Variants in CUL9 observed in about 807,000 individuals in gnomAD.
The protein encoded by CUL9 is cullin-9.
CUL9 carries 79 observed loss-of-function variants against 272.6 expected under a neutral mutation model. The ratio of observed to expected loss-of-function variants is 0.29; its 90% CI spans 0.24 to 0.35. The LOEUF (loss-of-function observed/expected upper bound fraction) is 0.35. CUL9 is among the 10% of genes least tolerant of loss of function. The pLI is 1.00. For synonymous variants in CUL9, 1,186 were observed against 1,286.5 expected, an observed-to-expected ratio of 0.92 and a Z score of 1.67; for missense variants, 2,532 against 3,255.6, an observed-to-expected ratio of 0.78 and a Z score of 5.41.
chr6:43,204,602 T>C, intron 21 of CUL9, 63 bp downstream of exon 21: 1 of 1,601,462 alleles, frequency 6.2e-7, no homozygotes. Context: ...GGCTCCCTCC[T>C]CCCTGGGTCT....
chr6:43,213,603 T>C lies in CUL9; in HGVS notation c.5488+36T>C. On this transcript the variant is annotated intron_variant, in intron 28 of 40. Coordinates refer to ENST00000252050, the MANE Select transcript of CUL9 (RefSeq NM_015089.4). The surrounding 1 kb of genome is among the most constrained non-coding windows in gnomAD (Gnocchi z 5.7). ...GGGGGCCGGGCTGAGCCTCTGCTGCTGGTCGGGGGGTCGCCCTCAAGATGG... is the reference window on the plus strand; with the variant it reads ...GGGGGCCGGGCTGAGCCTCTGCTGCCGGTCGGGGGGTCGCCCTCAAGATGG... 6.3e-7 allele frequency: 1 copy of C among 1,582,928 alleles called. No homozygotes were observed. The highest frequency in any genetic ancestry group is 8.6e-7 in the Non-Finnish European group (1 of 1,162,440).
rs528481526 is a variant in CUL9, at chr6:43,206,669, T to C, written c.5212+159T>C. On this transcript the variant is annotated intron_variant, in intron 26 of 40. Transcript: ENST00000252050. This position sits in a 1 kb window ranked among gnomAD's most constrained non-coding sequence, Gnocchi z 4.8. ...GGGTTGTAGTTTCATTAATTTCTGC[T>C]CTCATCAGTTTCTTCAACTTTCTAT... Among the ~76,000 whole-genome samples the C allele has an allele frequency of 6.6e-6, 1 of 152,298 alleles. No homozygotes were observed. The highest frequency in any genetic ancestry group is 2.1e-4 in the South Asian group (1 of 4,822).
chr6:43,208,939 G>A (rs1010618822), intron 26 of CUL9, among the ~76,000 whole-genome samples: 2 of 151,812 alleles, frequency 1.3e-5, no homozygotes, highest in African/African-American at 4.8e-5. Context: ...CCGCCTCCCA[G>A]GCTCAAGTGA....
intron 8 of CUL9, among the ~76,000 whole-genome samples, chr6:43,189,385 C>T (rs1773227410): frequency 6.6e-6 from 1 of 151,990 alleles, no homozygotes; most frequent in Non-Finnish European, 1.5e-5. Flanking sequence ...AGGGTTTCAT[C>T]ATGTTTGCCA....
rs770761998 is a variant in CUL9, at chr6:43,203,134, G to A, written c.3779G>A (p.Arg1260Gln). ...NTVNVMPSASRVILLENLNRF... is the reference protein window; with the variant it reads ...NTVNVMPSASQVILLENLNRF... ...GTGAATGTGATGCCCTCTGCCAGCCGGGTGATCCTCTTGGAGAACCTGAAC... is the reference window on the plus strand; with the variant it reads ...GTGAATGTGATGCCCTCTGCCAGCCAGGTGATCCTCTTGGAGAACCTGAAC... The change falls in exon 18 of 41, where the codon CGG becomes CAG. Residue 1260 changes from arginine (R) to glutamine (Q), a missense_variant. Arg to Gln is a conservative substitution (Grantham distance 43). Around this residue, in one of 3 missense-constraint regions of CUL9, gnomAD observed 2,218 missense variants for 2,788.6 expected, o/e 0.80. Transcript: ENST00000252050. The surrounding 1 kb of genome is among the most constrained non-coding windows in gnomAD (Gnocchi z 5.0). The A allele has an allele frequency of 4.4e-5, 71 of 1,613,526 alleles. 1 individual carries two copies. The South Asian group carries it at 4.8e-4, about 11-fold the overall frequency.
In CUL9 at chr6:43,204,560, G is replaced by T. The variant is rs576543888; in HGVS notation, c.4339+21G>T. The T allele has an allele frequency of 6.2e-6, 10 of 1,613,626 alleles. No homozygotes were observed. In the East Asian group the frequency reaches 2.2e-4, roughly 36 times the overall value. ...GCCCTGTAAGTCCCAGCTGTGGCCA[G>T]TGGAGCTGACTCTGCGGACAGTGGT... On this transcript the variant is annotated intron_variant, in intron 21 of 40. Transcript: ENST00000252050.
At chr6:43,197,346 G>C (rs1233258336) in intron 11 of CUL9, among the ~76,000 whole-genome samples, 1 of 151,014 alleles carries the variant, frequency 6.6e-6, no homozygotes, top group Non-Finnish European at 1.5e-5. Flanking sequence ...GCACCTGGCT[G>C]GAAATTGCCT....
chr6:43,194,293 C>G (rs1156593039), intron 9 of CUL9, among the ~76,000 whole-genome samples: 1 of 151,786 alleles, frequency 6.6e-6, no homozygotes, highest in Non-Finnish European at 1.5e-5. Context: ...CTTCTCTTTT[C>G]TCTTTTTTTT....
Position 43,202,774 on chromosome 6 carries a change from G to A in CUL9, c.3706G>A (p.Val1236Met), listed in dbSNP as rs868760104. 1 of 1,614,040 alleles carries A rather than the reference G, an allele frequency of 6.2e-7. No homozygotes were observed. Among genetic ancestry groups the A allele is most frequent in the Non-Finnish European group, 8.5e-7 (1 of 1,180,026 alleles). Residue 1236 changes from valine (V) to methionine (M), a missense_variant, in exon 17 of 41, where the codon GTG becomes ATG. Physicochemically the swap from Val to Met is conservative, Grantham distance 21 (BLOSUM62 1). This residue lies in a region of CUL9 where 2,218 missense variants were observed against 2,788.6 expected (regional missense o/e 0.80). Transcript: ENST00000252050. ...DSSYMPARVVVFGGDSTSCIG... is the reference protein window; with the variant it reads ...DSSYMPARVVMFGGDSTSCIG... The stretch of plus-strand genomic sequence containing the variant: ...AAGCTACATGCCAGCCAGGGTGGTG[G>A]TGTTTGGGGGTGACAGCACCAGCTG...
At position 43,220,311 on chromosome 6, in the gene CUL9, T is replaced by C. The variant is rs1483791678; in HGVS notation, c.6283-148T>C. ...GCAAAGCTGGAGAGAGGAGTCAGCA[T>C]TGGTTGATCTAGAGGCAGGCTTGTT... On this transcript the variant is annotated intron_variant, in intron 31 of 40. Coordinates refer to ENST00000252050, the MANE Select transcript of CUL9 (RefSeq NM_015089.4). This position sits in a 1 kb window ranked among gnomAD's most constrained non-coding sequence, Gnocchi z 4.9. The C allele has an allele frequency of 3.5e-6, 3 of 862,366 alleles. No homozygotes were observed. Among genetic ancestry groups the C allele is most frequent in the Middle Eastern group, 2.3e-4 (1 of 4,384 alleles). The allele number at this position is 862,366 out of a possible 1,614,324, so 53.4% of individuals were successfully genotyped here.
chr6:43,218,638 G>T lies in CUL9; in HGVS notation c.6283-1821G>T, dbSNP rs1209497563. Among the ~76,000 whole-genome samples, 3 of 152,236 alleles carry T rather than the reference G, an allele frequency of 2.0e-5. No individual in the cohort carries two copies. The East Asian group carries it at 5.8e-4, about 29-fold the overall frequency. Reference sequence around the variant, plus strand: ...GAGAGACAAGAGATGGTGGTAGTTTGGACTGGGGCAGTGGCGATGAGAGAG... The same window carrying T: ...GAGAGACAAGAGATGGTGGTAGTTTTGACTGGGGCAGTGGCGATGAGAGAG... On this transcript the variant is annotated intron_variant, in intron 31 of 40. Transcript: ENST00000252050. This position sits in a 1 kb window ranked among gnomAD's most constrained non-coding sequence, Gnocchi z 4.4.
chr6:43,203,342 G>T lies in CUL9; in HGVS notation c.3850-75G>T, dbSNP rs944058754. 1.9e-6 allele frequency: 3 copies of T among 1,603,104 alleles called. No homozygotes were observed. The highest frequency in any genetic ancestry group is 2.2e-5 in the East Asian group (1 of 44,788). On this transcript the variant is annotated intron_variant, in intron 18 of 40. Coordinates refer to ENST00000252050, the MANE Select transcript of CUL9 (RefSeq NM_015089.4). The surrounding 1 kb of genome is among the most constrained non-coding windows in gnomAD (Gnocchi z 5.0). The stretch of plus-strand genomic sequence containing the variant: ...TCCTGAGCAGTTCTAGGGAGCTCAG[G>T]GCAGGAGGCTTGGCTTTGGTAGTAC...
rs1317766250 is a variant in CUL9, at chr6:43,184,807, G to A, written c.497G>A (p.Gly166Glu). 9 of 1,613,754 alleles carry A rather than the reference G, an allele frequency of 5.6e-6. No individual in the cohort carries two copies. In the South Asian group the frequency reaches 9.9e-5, roughly 18 times the overall value. The change falls in exon 2 of 41, where the codon GGA (glycine) becomes GAA (glutamate). Residue 166 changes from glycine (G) to glutamate (E), a missense_variant. By Grantham distance (98) the Gly-to-Glu change is moderately conservative. Around this residue, in one of 3 missense-constraint regions of CUL9, gnomAD observed 2,218 missense variants for 2,788.6 expected, o/e 0.80. Coordinates refer to ENST00000252050, the MANE Select transcript of CUL9 (RefSeq NM_015089.4). The surrounding 1 kb of genome is among the most constrained non-coding windows in gnomAD (Gnocchi z 4.8). The stretch of plus-strand genomic sequence containing the variant: ...CTCACTGGTGTCTTCAGGGAGACAG[G>A]AGCCCTGGACCTGCTCATGCACATG... The part of the protein sequence containing the change: ...GPLTGVFRET[G>E]ALDLLMHMLC...
At position 43,187,012 on chromosome 6, in the gene CUL9, A is replaced by T. The variant is rs370705489; in HGVS notation, c.1304A>T (p.Glu435Val). The T allele has an allele frequency of 6.2e-7, 1 of 1,613,978 alleles. No homozygotes were observed. Among genetic ancestry groups the T allele is most frequent in the African/African-American group, 1.3e-5 (1 of 74,892 alleles). The part of the protein sequence containing the change: ...RTYWVHWHML[E>V]ILGPEEATED... The stretch of plus-strand genomic sequence containing the variant: ...TACTGGGTGCACTGGCACATGCTGG[A>T]GATCCTGGGCCCTGAGGAAGCCACT... Residue 435 changes from glutamate (E) to valine (V), a missense_variant, in exon 5 of 41, where the codon GAG (glutamate) becomes GTG (valine). Transcript: ENST00000252050.
In CUL9 at chr6:43,199,570, T is replaced by C. The variant is rs1774338744; in HGVS notation, c.3156+199T>C. ...GAAGTATAAACCTTTTAGATGATTTTAGATTTGGAGTTTAGATTCTGGACT... is the reference window on the plus strand; with the variant it reads ...GAAGTATAAACCTTTTAGATGATTTCAGATTTGGAGTTTAGATTCTGGACT... On this transcript the variant is annotated intron_variant, in intron 13 of 40. Transcript: ENST00000252050. This position sits in a 1 kb window ranked among gnomAD's most constrained non-coding sequence, Gnocchi z 4.4. Among the ~76,000 whole-genome samples, 5 of 152,240 alleles carry C rather than the reference T, an allele frequency of 3.3e-5. No homozygotes were observed. Among genetic ancestry groups the C allele is most frequent in the Non-Finnish European group, 7.3e-5 (5 of 68,036 alleles).
chr6:43,186,193 C>G lies in CUL9; in HGVS notation c.989C>G (p.Pro330Arg). The change falls in exon 4 of 41, where the codon CCT becomes CGT. Residue 330 changes from proline (P) to arginine (R), a missense_variant. Pro to Arg is a moderately radical substitution (Grantham distance 103). Around this residue, in one of 3 missense-constraint regions of CUL9, gnomAD observed 2,218 missense variants for 2,788.6 expected, o/e 0.80. Coordinates refer to ENST00000252050, the MANE Select transcript of CUL9 (RefSeq NM_015089.4). ...AACCTCAGCGAACAGGGCATGTCAC[C>G]TCCCCGGCCAACCCGGTCCATCTTT... is the stretch of plus-strand genomic sequence containing the variant. ...ARNLSEQGMS[P>R]PRPTRSIFQP... 1 of 1,614,224 alleles carries G rather than the reference C, an allele frequency of 6.2e-7. No individual in the cohort carries two copies. The highest frequency in any genetic ancestry group is 1.1e-5 in the South Asian group (1 of 91,088).
chr6:43,213,706 G>A lies in CUL9; in HGVS notation c.5489-7G>A, dbSNP rs780252704. 1.2e-6 allele frequency: 2 copies of A among 1,611,986 alleles called. No homozygotes were observed. Among genetic ancestry groups the A allele is most frequent in the African/African-American group, 2.7e-5 (2 of 74,904 alleles). ...TCCTCTGGTACCTGACCGGGAGCGGGTTCCAGGTGTGCTGCGGCTTCATGA... is the reference window on the plus strand; with the variant it reads ...TCCTCTGGTACCTGACCGGGAGCGGATTCCAGGTGTGCTGCGGCTTCATGA... On this transcript the variant is annotated splice_region_variant and splice_polypyrimidine_tract_variant and intron_variant, in intron 28 of 40. Transcript: ENST00000252050. This position sits in a 1 kb window ranked among gnomAD's most constrained non-coding sequence, Gnocchi z 5.7.
intron 20 of CUL9, 158 bp from the exon 21 acceptor site, chr6:43,204,202 C>T (rs1774864742): frequency 9.4e-7 from 1 of 1,068,584 alleles, no homozygotes; most frequent in Non-Finnish European, 1.3e-6. Flanking sequence ...GTTAACATTT[C>T]CCCTGACTCC....
Position 43,220,967 on chromosome 6 carries a change from T to C in CUL9, c.6588+56T>C, listed in dbSNP as rs929730699. 4.6e-6 allele frequency: 7 copies of C among 1,518,830 alleles called. No individual in the cohort carries two copies. In the Admixed American group the frequency reaches 1.4e-4, roughly 31 times the overall value. The allele number at this position is 1,518,830 out of a possible 1,614,324, so 94.1% of individuals were successfully genotyped here. A position where few individuals can be genotyped will look rare whatever the true frequency, so the allele number is the denominator to read the frequency against. On this transcript the variant is annotated intron_variant, in intron 33 of 40. Transcript: ENST00000252050. The surrounding 1 kb of genome is among the most constrained non-coding windows in gnomAD (Gnocchi z 4.9). ...GCAAGGATTCACACTCCTTCCCTGC[T>C]TAATATCCCCACCCCGCCACACACA...
Sources: gnomAD v4.1 joint callset for allele counts (sites outside exome capture counted in the v4.1 genomes callset) on GRCh38, gnomAD v4.1.1 for gene constraint, gnomAD v4.1.1 regional missense constraint, Gnocchi (gnomAD v3.1) non-coding constraint, MANE v1.5 for transcripts, NCBI Gene and HGNC (gene_info 2026-07-23, HGNC 2026-07-21) for gene names.